CADM3: variants seen among roughly 807,000 people sequenced by gnomAD.
CADM3 encodes the protein TSLC1-like 1.
CADM3 carries 11 observed loss-of-function variants against 44.9 expected under a neutral mutation model. The observed-to-expected ratio is 0.25, with a 90% CI of 0.15 to 0.41. CADM3 has a LOEUF of 0.41. CADM3 is among the 10% of genes least tolerant of loss of function. CADM3 has a pLI of 1.00. For synonymous variants in CADM3, 207 were observed against 205.2 expected, an observed-to-expected ratio of 1.01 and a Z score of -0.08; for missense variants, 426 against 512.0, an observed-to-expected ratio of 0.83 and a Z score of 1.62.
chr1:159,193,679 T>C (rs1308151835), intron 4 of CADM3, 119 bp downstream of exon 4: 15 of 1,486,698 alleles, frequency 1.0e-5, no homozygotes, highest in Non-Finnish European at 1.4e-5. Context: ...ATGACATATA[T>C]TTTGTGTGCA....
At chr1:159,187,750 T>TGTTGACGTTG (rs1345890349) in intron 1 of CADM3, among the ~76,000 whole-genome samples, 3 of 152,140 alleles carry the variant, frequency 2.0e-5, no homozygotes, top group Admixed American at 6.5e-5. Flanking sequence ...CCCTACTGTG[T>TGTTGACGTTG]GTTGACGTTG....
chr1:159,199,756 A>G lies in CADM3; in HGVS notation c.958A>G (p.Ser320Gly), dbSNP rs755718588. 8 of 1,613,936 alleles carry G rather than the reference A, an allele frequency of 5.0e-6. No homozygotes were observed. The highest frequency in any genetic ancestry group is 6.8e-6 in the Non-Finnish European group (8 of 1,180,016). Residue 320 changes from serine to glycine, a missense_variant, in exon 8 of 9, where the codon AGT (serine) becomes GGT (glycine). Around this residue, in one of 2 missense-constraint regions of CADM3, gnomAD observed 362 missense variants for 474.6 expected, o/e 0.76. Transcript: ENST00000368125. ...TGTGTTGCCCTTTCTTCCAGACCCC[A>G]GTCCGGTGCCCTCCTCCTCCAGCAC... ...AYYTLNVNDP[S>G]PVPSSSSTYH...
chr1:159,194,128 A>G, intron 5 of CADM3, 88 bp downstream of exon 5: 1 of 1,354,226 alleles, frequency 7.4e-7, no homozygotes, highest in South Asian at 1.4e-5. Flanking sequence ...GCATGAAACA[A>G]CACGCACAGT....
chr1:159,196,569 C>T (rs186396107), intron 6 of CADM3, 115 bp downstream of exon 6: 7 of 839,266 alleles, frequency 8.3e-6, no homozygotes, highest in East Asian at 5.4e-5. Context: ...CCTCTCATTT[C>T]CCTGACTGTC....
Position 159,186,818 on chromosome 1 carries a change from GA to G in CADM3, c.89-5109del, listed in dbSNP as rs1330147891. On this transcript the variant is annotated intron_variant, in intron 1 of 8. Transcript: ENST00000368125. ...GGGAGAAATGTCACCCCTGGGGGAA[GA>G]AAAAAAAAGCCACCTCTTACACAGT... Among the ~76,000 whole-genome samples the G allele has an allele frequency of 2.6e-5, 4 of 150,956 alleles. No homozygotes were observed. In the East Asian group the frequency reaches 5.8e-4, roughly 22 times the overall value.
chr1:159,199,402 GAGGAAGGAAGGA>G (rs59474463), intron 7 of CADM3, among the ~76,000 whole-genome samples: 4 of 148,758 alleles, frequency 2.7e-5, no homozygotes, highest in African/African-American at 7.4e-5. Flanking sequence ...CGGAGGGAGG[GAGGAAGGAAGGA>G]AGGAAGGAAG....
intron 7 of CADM3, chr1:159,198,254 G>A (rs862995): frequency 0.67 from 102,093 of 152,066 alleles, 35,175 homozygotes; most frequent in East Asian, 0.93. Context: ...TCTACCTAGA[G>A]ACAGGGGCCT....
chr1:159,192,696 T>C lies in CADM3; in HGVS notation c.348T>C (p.Pro116=), dbSNP rs952612749. Residue 116 remains proline, a synonymous_variant, in exon 3 of 9, where the codon CCT becomes CCC. Coordinates refer to ENST00000368125, the MANE Select transcript of CADM3 (RefSeq NM_001127173.3). ...ACACCTGCTCAATCTTCACTATGCC[T>C]GTGCGAACTGCCAAGTCCCTCGTCA... The part of the protein sequence containing the change: ...GEYTCSIFTM[P]VRTAKSLVTV... 2 of 1,613,870 alleles carry C rather than the reference T, an allele frequency of 1.2e-6. No individual in the cohort carries two copies. The highest frequency in any genetic ancestry group is 2.2e-5 in the East Asian group (1 of 44,886).
At chr1:159,187,864 TGG>T (rs759563680) in intron 1 of CADM3, among the ~76,000 whole-genome samples, 2 of 152,032 alleles carry the variant, frequency 1.3e-5, no homozygotes, top group Non-Finnish European at 2.9e-5. Flanking sequence ...AGGGTGAGTG[TGG>T]GGCACTCAGG....
intron 1 of CADM3, among the ~76,000 whole-genome samples, chr1:159,186,427 C>T (rs1377762156): frequency 6.6e-6 from 1 of 152,200 alleles, no homozygotes; most frequent in Admixed American, 6.5e-5. Flanking sequence ...TGTATGGTCT[C>T]AATGACAGAA....
chr1:159,181,868 C>T (rs541084398), intron 1 of CADM3, among the ~76,000 whole-genome samples: 1 of 152,298 alleles, frequency 6.6e-6, no homozygotes, highest in African/African-American at 2.4e-5. Flanking sequence ...AACTAAGTCT[C>T]TGAAGGCCCC....
intron 5 of CADM3, chr1:159,195,469 T>C (rs1360681524): frequency 6.6e-6 from 1 of 152,230 alleles, no homozygotes; most frequent in East Asian, 1.9e-4. Context: ...CTCTGTTAGA[T>C]ACCAGACCAT....
chr1:159,191,827 T>C (rs930763131), intron 1 of CADM3, 109 bp from the exon 2 acceptor site: 1 of 1,313,386 alleles, frequency 7.6e-7, no homozygotes, highest in Admixed American at 1.9e-5. Context: ...AGAGACCTTG[T>C]GTACACAAGG....
chr1:159,182,443 C>T (rs539286987), intron 1 of CADM3, among the ~76,000 whole-genome samples: 1 of 152,326 alleles, frequency 6.6e-6, no homozygotes, highest in East Asian at 1.9e-4. Flanking sequence ...CTGCTATAAA[C>T]TATCAATGAG....
At position 159,201,678 on chromosome 1, in the gene CADM3, C is replaced by T. The variant is rs1238222864; in HGVS notation, c.*756C>T. 2 of 152,330 alleles carry T rather than the reference C, an allele frequency of 1.3e-5. No homozygotes were observed. The highest frequency in any genetic ancestry group is 3.9e-4 in the East Asian group (2 of 5,192). 9.4% of individuals were successfully genotyped at this position (152,330 alleles called of 1,614,324 possible). Reference sequence around the variant, plus strand: ...ATGGAGGTGGACTCTCACCCCATTCCCCCCGGAAATGAACAAAGCCGGGCC... The same window carrying T: ...ATGGAGGTGGACTCTCACCCCATTCTCCCCGGAAATGAACAAAGCCGGGCC... On this transcript the variant is annotated 3_prime_UTR_variant, in exon 9 of 9. Transcript: ENST00000368125.
chr1:159,188,506 T>G (rs937436241), intron 1 of CADM3, among the ~76,000 whole-genome samples: 2 of 151,912 alleles, frequency 1.3e-5, no homozygotes, highest in African/African-American at 4.8e-5. Context: ...CTCCCCCACC[T>G]GCCTCTCCCC....
At chr1:159,171,885 G>T in intron 1 of CADM3, 32 bp downstream of exon 1, 1 of 1,216,342 alleles carries the variant, frequency 8.2e-7, no homozygotes, top group Non-Finnish European at 1.0e-6. Flanking sequence ...GCCTGGGGAG[G>T]TGGGGAGTGA....
chr1:159,199,755 C>G lies in CADM3; in HGVS notation c.957C>G (p.Pro319=). ...GTGTGTTGCCCTTTCTTCCAGACCC[C>G]AGTCCGGTGCCCTCCTCCTCCAGCA... is the stretch of plus-strand genomic sequence containing the variant. The part of the protein sequence containing the change: ...KAYYTLNVND[P]SPVPSSSSTY... Residue 319 remains proline (P), a synonymous_variant, in exon 8 of 9, where the codon CCC becomes CCG. Transcript: ENST00000368125. 6.2e-7 allele frequency: 1 copy of G among 1,614,120 alleles called. No individual in the cohort carries two copies. The highest frequency in any genetic ancestry group is 8.5e-7 in the Non-Finnish European group (1 of 1,180,022).
chr1:159,192,818 G>C, intron 3 of CADM3, 88 bp downstream of exon 3: 1 of 1,373,666 alleles, frequency 7.3e-7, no homozygotes, highest in Non-Finnish European at 1.0e-6. Flanking sequence ...CTGGGAGCCA[G>C]GCAAGTCTCC....
Sources: gnomAD v4.1 joint callset for allele counts (sites outside exome capture counted in the v4.1 genomes callset) on GRCh38, gnomAD v4.1.1 for gene constraint, gnomAD v4.1.1 regional missense constraint, MANE v1.5 for transcripts, NCBI Gene and HGNC (gene_info 2026-07-23, HGNC 2026-07-21) for gene names.